The following CFAP299 variants were observed in gnomAD, a reference collection of about 807,000 sequenced individuals.
CFAP299 encodes cilia- and flagella-associated protein 299.
CFAP299 carries 21 observed loss-of-function variants against 27.0 expected under a neutral mutation model. The ratio of observed to expected loss-of-function variants is 0.78; its 90% CI spans 0.55 to 1.12. CFAP299 has a LOEUF of 1.12. CFAP299 is among the 50% of genes most tolerant of loss of function. The probability of loss-of-function intolerance (pLI) is 0.00; values close to 1 mark genes in which losing one functional copy is unlikely to be tolerated. For missense variants in CFAP299, 310 were observed against 276.6 expected, an observed-to-expected ratio of 1.12 and a Z score of -0.86; for synonymous variants, 104 against 98.1, an observed-to-expected ratio of 1.06 and a Z score of -0.36.
intron 2 of CFAP299, among the ~76,000 whole-genome samples, chr4:80,566,401 G>T (rs1424423960): frequency 6.6e-6 from 1 of 151,970 alleles, no homozygotes; most frequent in African/African-American, 2.4e-5. Context: ...AATTCCTGAA[G>T]AATGACAGTC....
intron 3 of CFAP299, among the ~76,000 whole-genome samples, chr4:80,675,250 G>A (rs1719361968): frequency 6.6e-6 from 1 of 152,168 alleles, no homozygotes; most frequent in South Asian, 2.1e-4. Flanking sequence ...ATTCCTTTCT[G>A]TTTGTTAGTT....
chr4:80,749,180 A>G (rs991849262), intron 3 of CFAP299, among the ~76,000 whole-genome samples: 1 of 152,184 alleles, frequency 6.6e-6, no homozygotes, highest in Non-Finnish European at 1.5e-5. Context: ...ATGAATAGTA[A>G]TGCTGCATGT....
At chr4:80,783,151 A>T (rs908968673) in intron 3 of CFAP299, among the ~76,000 whole-genome samples, 7 of 152,102 alleles carry the variant, frequency 4.6e-5, no homozygotes, top group Non-Finnish European at 8.8e-5. Flanking sequence ...TAAGGCAGCA[A>T]ATCTCTGAAG....
At chr4:80,830,853 G>A (rs1730262886) in intron 3 of CFAP299, among the ~76,000 whole-genome samples, 1 of 152,130 alleles carries the variant, frequency 6.6e-6, no homozygotes, top group African/African-American at 2.4e-5. Context: ...TGTGAGAAGA[G>A]CAAGGAATTA....
intron 3 of CFAP299, among the ~76,000 whole-genome samples, chr4:80,597,751 A>G (rs1477448361): frequency 3.3e-5 from 5 of 151,942 alleles, no homozygotes; most frequent in South Asian, 2.1e-4. Flanking sequence ...GCAGTGTGCA[A>G]TCTCAGCTCA....
chr4:80,849,098 A>G (rs968403577), intron 3 of CFAP299, among the ~76,000 whole-genome samples: 3 of 152,246 alleles, frequency 2.0e-5, no homozygotes, highest in African/African-American at 7.2e-5. Flanking sequence ...ATAACACAAT[A>G]TAAAACACAA....
the CFAP299 span, among the ~76,000 whole-genome samples, chr4:80,328,735 T>TTTTCCTCTCTTCTGAGTGA: frequency 6.6e-6 from 1 of 152,200 alleles, no homozygotes; most frequent in African/African-American, 2.4e-5. Context: ...AATTCCACTG[T>TTTTCCTCTCTTCTGAGTGA]TTTCCTCTCT....
rs1332641174 is a variant in CFAP299, at chr4:80,882,404, C to T, written c.476+12269C>T. ...CTGTAATCCCAGCACTTTGGGAGGC[C>T]GAGGCGGGCGGATTACGAGGTCAGG... is the stretch of plus-strand genomic sequence containing the variant. On this transcript the variant is annotated intron_variant, in intron 4 of 5. Coordinates refer to ENST00000358105, the MANE Select transcript of CFAP299 (RefSeq NM_152770.3). 5.9e-5 allele frequency among the ~76,000 whole-genome samples: 9 copies of T among 152,016 alleles called. No individual in the cohort carries two copies. In the East Asian group the frequency reaches 1.4e-3, roughly 23 times the overall value.
chr4:80,591,772 A>G (rs1051732864), intron 3 of CFAP299, among the ~76,000 whole-genome samples: 1 of 152,214 alleles, frequency 6.6e-6, no homozygotes, highest in African/African-American at 2.4e-5. Context: ...AGGGCCTTCA[A>G]TAGGGTCTTT....
chr4:80,963,509 T>C lies in CFAP299; in HGVS notation c.607-8T>C. 2 of 1,553,866 alleles carry C rather than the reference T, an allele frequency of 1.3e-6. No individual in the cohort carries two copies. The highest frequency in any genetic ancestry group is 1.7e-6 in the Non-Finnish European group (2 of 1,144,062). ...GACTTGACTAACAATGTAATTTATG[T>C]ATTTTAGGCGCAGCCAGGTGACAAC... On this transcript the variant is annotated splice_polypyrimidine_tract_variant and splice_region_variant and intron_variant, in intron 5 of 5. Transcript: ENST00000358105.
At chr4:80,548,429 T>C (rs1208737449) in intron 2 of CFAP299, among the ~76,000 whole-genome samples, 1 of 152,080 alleles carries the variant, frequency 6.6e-6, no homozygotes, top group African/African-American at 2.4e-5. Flanking sequence ...AGTGCACATA[T>C]CAGGTACTAT....
chr4:80,517,163 A>G (rs1560604096), intron 2 of CFAP299, among the ~76,000 whole-genome samples: 1 of 152,144 alleles, frequency 6.6e-6, no homozygotes, highest in Non-Finnish European at 1.5e-5. Context: ...TGAGGAGTAA[A>G]TAGGAGATGT....
chr4:80,860,474 G>C (rs1732255506), intron 3 of CFAP299, among the ~76,000 whole-genome samples: 1 of 152,208 alleles, frequency 6.6e-6, no homozygotes, highest in East Asian at 1.9e-4. Context: ...TTTGGAGGAG[G>C]AGAAGTGCTC....
At chr4:80,414,948 A>G (rs1364836686) in intron 2 of CFAP299, among the ~76,000 whole-genome samples, 2 of 152,198 alleles carry the variant, frequency 1.3e-5, no homozygotes, top group African/African-American at 4.8e-5. Flanking sequence ...TTGGTTCACC[A>G]TTGTGACCCT....
intron 3 of CFAP299, among the ~76,000 whole-genome samples, chr4:80,654,788 T>TC (rs2109974119): frequency 7.0e-6 from 1 of 142,268 alleles, no homozygotes; most frequent in East Asian, 1.9e-4. Flanking sequence ...TTTTAACTTT[T>TC]TTTTTTTTTT....
intron 3 of CFAP299, among the ~76,000 whole-genome samples, chr4:80,682,213 A>G (rs1298884646): frequency 2.6e-5 from 4 of 152,182 alleles, no homozygotes; most frequent in South Asian, 2.1e-4. Flanking sequence ...ATTCAAATTC[A>G]TGCTCAGTAC....
intron 2 of CFAP299, among the ~76,000 whole-genome samples, chr4:80,424,250 A>G (rs970920081): frequency 2.6e-5 from 4 of 152,182 alleles, no homozygotes; most frequent in African/African-American, 9.7e-5. Context: ...ACGTGGTGGT[A>G]TGTGGAAGGC....
Position 80,623,999 on chromosome 4 carries a change from C to A in CFAP299, c.333+40816C>A, listed in dbSNP as rs74399054. Among the ~76,000 whole-genome samples the A allele has an allele frequency of 8.0e-3, 1,218 of 152,248 alleles. 8 individuals are homozygous for A. Among genetic ancestry groups the A allele is most frequent in the Middle Eastern group, 0.014 (4 of 292 alleles). ...CACTGAACATAACCCAATGCTGTGC[C>A]TATTGCATATTTTCTCAGAAAAATG... On this transcript the variant is annotated intron_variant, in intron 3 of 5. Coordinates refer to ENST00000358105, the MANE Select transcript of CFAP299 (RefSeq NM_152770.3).
At position 80,690,921 on chromosome 4, in the gene CFAP299, G is replaced by A. The variant is rs1423144965; in HGVS notation, c.333+107738G>A. 2.5e-4 allele frequency among the ~76,000 whole-genome samples: 35 copies of A among 140,264 alleles called. 1 individual carries two copies. The South Asian group carries it at 6.8e-3, about 27-fold the overall frequency. 92.0% of individuals were successfully genotyped at this position (140,264 alleles called of 152,430 possible). ...CAGAGAATACTACAAACACCTCTAT[G>A]CAAATAAACTAGAAAATCTAGAAGA... On this transcript the variant is annotated intron_variant, in intron 3 of 5. Transcript: ENST00000358105.
Sources: gnomAD v4.1 joint callset for allele counts (sites outside exome capture counted in the v4.1 genomes callset) on GRCh38, gnomAD v4.1.1 for gene constraint, MANE v1.5 for transcripts, NCBI Gene and HGNC (gene_info 2026-07-23, HGNC 2026-07-21) for gene names.